The following MVP variants were observed in gnomAD, a reference collection of about 807,000 sequenced individuals.
The protein encoded by MVP is major vault protein.
Under a neutral mutation model 83.5 loss-of-function variants are expected in MVP, and 62 were observed. That is an observed-to-expected ratio of 0.74 (90% CI 0.61 to 0.92). The LOEUF is 0.92. Ranked by LOEUF, MVP falls within the 40% of genes least tolerant of loss-of-function variation. The pLI is 0.00. For synonymous variants in MVP, 505 were observed against 504.1 expected, an observed-to-expected ratio of 1.00 and a Z score of -0.02; for missense variants, 1,000 against 1,203.4, an observed-to-expected ratio of 0.83 and a Z score of 2.50.
chr16:29,844,411 C>T (rs1363752054), intron 10 of MVP, 82 bp from the exon 11 acceptor site: 11 of 1,493,932 alleles, frequency 7.4e-6, no homozygotes, highest in Non-Finnish European at 9.8e-6. Flanking sequence ...CCAGCCTGGG[C>T]AACATGGCAA....
At chr16:29,825,097 T>C (rs1264302198) in intron 1 of MVP, among the ~76,000 whole-genome samples, 2 of 152,152 alleles carry the variant, frequency 1.3e-5, no homozygotes, top group Non-Finnish European at 2.9e-5. Flanking sequence ...GGACAGGCTA[T>C]TTAGTTCCTG....
intron 3 of MVP, chr16:29,833,515 C>G (rs2067461352): frequency 7.3e-6 from 3 of 408,454 alleles, no homozygotes; most frequent in Admixed American, 3.9e-5. Flanking sequence ...TGCTATGTTG[C>G]CCAGGCTGGT....
Position 29,844,661 on chromosome 16 carries a change from T to G in MVP, c.1803T>G (p.Thr601=). The change falls in exon 11 of 15, where the codon ACT becomes ACG. Residue 601 remains threonine (T), a synonymous_variant. Transcript: ENST00000357402. ...FHKNSARIIR[T]AVFGFETSEA... is the part of the protein sequence containing the mutation. ...AGAACTCAGCCCGCATCATTCGCAC[T>G]GCTGTCTTTGGCTTTGAGACCTCGG... is the stretch of plus-strand genomic sequence containing the variant. The G allele has an allele frequency of 6.2e-7, 1 of 1,614,168 alleles. No individual in the cohort carries two copies. Among genetic ancestry groups the G allele is most frequent in the South Asian group, 1.1e-5 (1 of 91,086 alleles).
chr16:29,829,250 A>C (rs2067424647), intron 1 of MVP, among the ~76,000 whole-genome samples: 1 of 151,444 alleles, frequency 6.6e-6, no homozygotes, highest in South Asian at 2.1e-4. Flanking sequence ...TTTGGGAGGC[A>C]GAGGCAAGAG....
chr16:29,845,518 A>T (rs2067576777), intron 11 of MVP, among the ~76,000 whole-genome samples: 1 of 152,110 alleles, frequency 6.6e-6, no homozygotes, highest in South Asian at 2.1e-4. Context: ...CAGCCCAAAG[A>T]TCCCCTCCTT....
In MVP at chr16:29,847,288, A is replaced by G. The variant is rs537388848; in HGVS notation, c.2357A>G (p.Gln786Arg). The G allele has an allele frequency of 2.5e-6, 4 of 1,613,362 alleles. No homozygotes were observed. The highest frequency in any genetic ancestry group is 2.2e-5 in the East Asian group (1 of 44,834). Residue 786 changes from glutamine to arginine, a missense_variant, in exon 14 of 15, where the codon CAG becomes CGG. By Grantham distance (43) the Gln-to-Arg change is conservative. Coordinates refer to ENST00000357402, the MANE Select transcript of MVP (RefSeq NM_005115.5). ...GAGCTGGAGGTGAGCAAGGCTCAGC[A>G]GCTGGCTGAGGTGGAGGTGAAGAAG... ...QLELEVSKAQ[Q>R]LAEVEVKKFK... is the part of the protein sequence containing the mutation.
At chr16:29,835,856 G>GCA in intron 6 of MVP, 58 bp downstream of exon 6, 1 of 1,395,004 alleles carries the variant, frequency 7.2e-7, no homozygotes, top group Middle Eastern at 2.1e-4. Context: ...CCTCCGAGTG[G>GCA]CAGAGAATGG....
intron 5 of MVP, chr16:29,835,480 C>CA (rs59649743): frequency 0.31 from 22,503 of 72,634 alleles, 4,417 homozygotes; most frequent in East Asian, 0.4. Context: ...GACTCCGTCT[C>CA]AAAAAAAAAA....
chr16:29,821,729 T>C (rs1259794431), intron 1 of MVP, among the ~76,000 whole-genome samples: 1 of 152,240 alleles, frequency 6.6e-6, no homozygotes, highest in Non-Finnish European at 1.5e-5. Context: ...GGCAAATTTC[T>C]TAACTTGCAG....
At position 29,846,342 on chromosome 16, in the gene MVP, C is replaced by A. The variant is rs372591645; in HGVS notation, c.2265+58C>A. The A allele has an allele frequency of 2.1e-3, 3,173 of 1,514,258 alleles. 84 individuals carry two copies. In the South Asian group the frequency reaches 0.038, roughly 18 times the overall value. The allele number at this position is 1,514,258 out of a possible 1,614,324, so 93.8% of individuals were successfully genotyped here. On this transcript the variant is annotated intron_variant, in intron 13 of 14. Coordinates refer to ENST00000357402, the MANE Select transcript of MVP (RefSeq NM_005115.5). ...CCTTGAGTCCTGGAAAAGGCCCATT[C>A]CCTACAGTCCCTGAGACTGTATAGG...
At chr16:29,833,521 C>G in intron 3 of MVP, 1 of 327,308 alleles carries the variant, frequency 3.1e-6, no homozygotes, top group Non-Finnish European at 5.5e-6. Context: ...GTTGCCCAGG[C>G]TGGTTCTTGA....
chr16:29,847,528 C>A, intron 14 of MVP, 143 bp downstream of exon 14: 1 of 898,402 alleles, frequency 1.1e-6, no homozygotes, highest in Non-Finnish European at 1.7e-6. Flanking sequence ...GACATTCACA[C>A]AGTGTCACGC....
chr16:29,835,357 G>C (rs1008273144), intron 5 of MVP: 1 of 173,778 alleles, frequency 5.8e-6, no homozygotes, highest in East Asian at 1.5e-4. Flanking sequence ...AGCCGGGCGT[G>C]GTGGCACGTG....
chr16:29,831,675 T>A (rs2067443419), intron 3 of MVP: 1 of 456,136 alleles, frequency 2.2e-6, no homozygotes, highest in Non-Finnish European at 4.4e-6. Flanking sequence ...GCCCAGCCAG[T>A]CTGGCATTAA....
chr16:29,847,906 A>C lies in MVP; in HGVS notation c.2599A>C (p.Ser867Arg). Residue 867 changes from serine to arginine, a missense_variant, in exon 15 of 15, where the codon AGC becomes CGC. Ser to Arg is a moderately radical substitution (Grantham distance 110). Coordinates refer to ENST00000357402, the MANE Select transcript of MVP (RefSeq NM_005115.5). ...GGGCAGAAGGGTGGCCAGTGGGCCC[A>C]GCCCTGGGGAGGGGATATCCCCCCA... is the stretch of plus-strand genomic sequence containing the variant. ...PLGRRVASGP[S>R]PGEGISPQSA... 2 of 1,613,836 alleles carry C rather than the reference A, an allele frequency of 1.2e-6. 1 individual carries two copies. The highest frequency in any genetic ancestry group is 1.7e-6 in the Non-Finnish European group (2 of 1,179,824).
intron 6 of MVP, 94 bp from the exon 7 acceptor site, chr16:29,836,628 T>C: frequency 1.1e-6 from 1 of 929,924 alleles, no homozygotes; most frequent in Non-Finnish European, 1.6e-6. Flanking sequence ...CTCTGAGATC[T>C]GGGAGCATTG....
Position 29,841,698 on chromosome 16 carries a change from G to A in MVP, c.1294G>A (p.Asp432Asn), listed in dbSNP as rs574007854. 2 of 1,612,418 alleles carry A rather than the reference G, an allele frequency of 1.2e-6. No individual in the cohort carries two copies. Among genetic ancestry groups the A allele is most frequent in the Non-Finnish European group, 1.7e-6 (2 of 1,179,534 alleles). ...GVEELLNKGQ[D>N]PLADRGEKDT... ...GGAGGAGCTGCTGAACAAGGGGCAG[G>A]ACCCTCTGGCAGACAGGGGTGAGAA... The change falls in exon 9 of 15, where the codon GAC becomes AAC. Residue 432 changes from aspartate (D) to asparagine (N), a missense_variant. Transcript: ENST00000357402. This position sits in a 1 kb window ranked among gnomAD's most constrained non-coding sequence, Gnocchi z 4.7.
rs570343856 is a variant in MVP, at chr16:29,833,679, G to A, written c.322-54G>A. On this transcript the variant is annotated intron_variant, in intron 3 of 14. Coordinates refer to ENST00000357402, the MANE Select transcript of MVP (RefSeq NM_005115.5). Reference sequence around the variant, plus strand: ...GACCCGCCTCCAGAGCATCAGGCTTGGCCCTGGGGTCACAGCACTGATGGT... The same window carrying A: ...GACCCGCCTCCAGAGCATCAGGCTTAGCCCTGGGGTCACAGCACTGATGGT... 1.4e-5 allele frequency: 22 copies of A among 1,608,192 alleles called. No homozygotes were observed. The South Asian group carries it at 2.0e-4, about 14-fold the overall frequency.
At chr16:29,821,462 T>C (rs1224104225) in intron 1 of MVP, 3 of 152,292 alleles carry the variant, frequency 2.0e-5, no homozygotes, top group African/African-American at 7.2e-5. Flanking sequence ...GTGCTCAGGT[T>C]ATCTTGGGTG....
Sources: allele counts gnomAD v4.1 joint callset (sites outside exome capture counted in the v4.1 genomes callset), GRCh38; gene constraint gnomAD v4.1.1; non-coding constraint Gnocchi (gnomAD v3.1); transcripts MANE v1.5; gene names NCBI Gene and HGNC (gene_info 2026-07-23, HGNC 2026-07-21).